Variants in NPAS3 observed in about 807,000 individuals in gnomAD.
NPAS3 encodes the protein neuronal PAS domain-containing protein 3.
Under a neutral mutation model 73.1 loss-of-function variants are expected in NPAS3, and 14 were observed. The ratio of observed to expected loss-of-function variants is 0.19; its 90% CI spans 0.13 to 0.30. The LOEUF is 0.30. NPAS3 is among the 10% of genes least tolerant of loss of function. NPAS3 has a pLI of 1.00. For synonymous variants in NPAS3, 620 were observed against 541.5 expected, an observed-to-expected ratio of 1.14 and a Z score of -2.01; for missense variants, 1,096 against 1,250.0, an observed-to-expected ratio of 0.88 and a Z score of 1.86.
intron 5 of NPAS3, among the ~76,000 whole-genome samples, chr14:33,578,570 A>G (rs2139862669): frequency 6.6e-6 from 1 of 152,350 alleles, no homozygotes; most frequent in South Asian, 2.1e-4. Context: ...AAAAAGAGCC[A>G]TCAAAGGCCT....
At chr14:33,110,777 C>T (rs951403520) in intron 2 of NPAS3, among the ~76,000 whole-genome samples, 1 of 152,122 alleles carries the variant, frequency 6.6e-6, no homozygotes, top group Non-Finnish European at 1.5e-5. Context: ...TAGGTTCAGT[C>T]CGGGGACGGG....
In NPAS3 at chr14:33,405,188, A is replaced by G. The variant is rs139891823; in HGVS notation, c.468+37920A>G. Among the ~76,000 whole-genome samples the G allele has an allele frequency of 4.1e-4, 63 of 151,976 alleles. 1 individual carries two copies. The highest frequency in any genetic ancestry group is 3.4e-3 in the Middle Eastern group (1 of 294). Reference sequence around the variant, plus strand: ...GCAGCTCTCTGTCTTAGTTATCTGGATGGTCTGGACTTGTGTTCCTTGTTG... The same window carrying G: ...GCAGCTCTCTGTCTTAGTTATCTGGGTGGTCTGGACTTGTGTTCCTTGTTG... On this transcript the variant is annotated intron_variant, in intron 4 of 11. Coordinates refer to ENST00000356141, the Ensembl canonical transcript of NPAS3.
At chr14:33,349,419 A>T (rs958587966) in intron 3 of NPAS3, among the ~76,000 whole-genome samples, 1 of 152,180 alleles carries the variant, frequency 6.6e-6, no homozygotes, top group Non-Finnish European at 1.5e-5. Context: ...GACCTGGTTG[A>T]CCGTATTTTA....
intron 2 of NPAS3, among the ~76,000 whole-genome samples, chr14:33,151,389 T>G (rs916472918): frequency 3.3e-5 from 5 of 152,214 alleles, no homozygotes; most frequent in Admixed American, 1.3e-4. Context: ...CAAAAGAACA[T>G]GTAGCCTCTC....
At chr14:33,344,484 A>T (rs1476208071) in intron 3 of NPAS3, among the ~76,000 whole-genome samples, 1 of 152,190 alleles carries the variant, frequency 6.6e-6, no homozygotes. Context: ...TGTAATCTCC[A>T]TGAAGGCAGG....
At chr14:33,500,375 G>A (rs2052452402) in intron 4 of NPAS3, among the ~76,000 whole-genome samples, 1 of 151,846 alleles carries the variant, frequency 6.6e-6, no homozygotes, top group Non-Finnish European at 1.5e-5. Flanking sequence ...ATGCTCCGAG[G>A]AAAAGATAAG....
intron 7 of NPAS3, among the ~76,000 whole-genome samples, chr14:33,750,404 G>A (rs751992116): frequency 6.6e-6 from 1 of 152,096 alleles, no homozygotes; most frequent in Non-Finnish European, 1.5e-5. Flanking sequence ...AAAGCTGAAC[G>A]AGGCATATGC....
chr14:33,515,590 C>T (rs1412498971), intron 4 of NPAS3, among the ~76,000 whole-genome samples: 1 of 152,082 alleles, frequency 6.6e-6, no homozygotes, highest in Non-Finnish European at 1.5e-5. Flanking sequence ...CTGGACAGAG[C>T]ATATCGCCCA....
chr14:33,735,290 T>C, exon 7 of NPAS3: 2 of 1,613,676 alleles, frequency 1.2e-6, no homozygotes, highest in Non-Finnish European at 1.7e-6. Context: ...TGAAATCTAC[T>C]CTGACCAAAC....
rs1365420219 is a variant in NPAS3, at chr14:33,165,911, C to CT, written c.141-49271_141-49270insT. The stretch of plus-strand genomic sequence containing the variant: ...CCACATTCTGTGAGTACTTTGTGTC[C>CT]CCCCATCCCCAAAGTGTGTTTAGCA... On this transcript the variant is annotated intron_variant, in intron 2 of 11. Coordinates refer to ENST00000356141, the Ensembl canonical transcript of NPAS3. Among the ~76,000 whole-genome samples, 4 of 152,002 alleles carry CT rather than the reference C, an allele frequency of 2.6e-5. No homozygotes were observed. In the East Asian group the frequency reaches 7.7e-4, roughly 29 times the overall value.
intron 5 of NPAS3, among the ~76,000 whole-genome samples, chr14:33,657,773 A>G (rs2059187839): frequency 6.9e-6 from 1 of 145,538 alleles, no homozygotes; most frequent in Non-Finnish European, 1.5e-5. Context: ...CACAGGCATT[A>G]ATTATGCAGA....
intron 2 of NPAS3, among the ~76,000 whole-genome samples, chr14:33,137,360 A>G (rs2139150132): frequency 6.6e-6 from 1 of 152,306 alleles, no homozygotes; most frequent in African/African-American, 2.4e-5. Flanking sequence ...TCAAGACAAA[A>G]CTGAATCATT....
rs193200694 is a variant in NPAS3 at position 33,751,649 on chromosome 14, T to C, written c.852+16317T>C. 4.0e-3 allele frequency among the ~76,000 whole-genome samples: 605 copies of C among 152,328 alleles called. 5 individuals carry two copies. Among genetic ancestry groups the C allele is most frequent in the African/African-American group, 0.014 (572 of 41,584 alleles). ...CATTTCAGGCGCCCACAGTTTCCCTTGAATATACCATTTAGTAAAACCCCT... is the reference window on the plus strand; with the variant it reads ...CATTTCAGGCGCCCACAGTTTCCCTCGAATATACCATTTAGTAAAACCCCT... On this transcript the variant is annotated intron_variant, in intron 7 of 11. Coordinates refer to ENST00000356141, the Ensembl canonical transcript of NPAS3.
chr14:33,190,452 T>G (rs2046129456), intron 2 of NPAS3, among the ~76,000 whole-genome samples: 2 of 152,258 alleles, frequency 1.3e-5, no homozygotes, highest in Admixed American at 1.3e-4. Context: ...GTTTTTGCCT[T>G]TATATTTCTC....
intron 2 of NPAS3, among the ~76,000 whole-genome samples, chr14:33,212,127 A>G (rs1029346404): frequency 2.0e-5 from 3 of 152,248 alleles, no homozygotes; most frequent in East Asian, 1.9e-4. Context: ...CCTACTTTAC[A>G]TAAGCGAGTG....
chr14:32,934,884 G>A (rs575779898), upstream of NPAS3: 44 of 811,046 alleles, frequency 5.4e-5, no homozygotes, highest in Admixed American at 6.8e-4. This position sits in a 1 kb window ranked among gnomAD's most constrained non-coding sequence, Gnocchi z 4.1. Flanking sequence ...TGCAGGTGAC[G>A]GCCGCGGCGG....
intron 5 of NPAS3, among the ~76,000 whole-genome samples, chr14:33,598,892 T>A (rs2139987432): frequency 6.6e-6 from 1 of 152,328 alleles, no homozygotes; most frequent in Admixed American, 6.5e-5. Context: ...AATATTTTCC[T>A]CCTGGCAGAC....
chr14:33,682,148 G>T (rs4246979), intron 6 of NPAS3, among the ~76,000 whole-genome samples: 152,352 of 152,352 alleles, frequency 1, 76,176 homozygotes, highest in Non-Finnish European at 1. Flanking sequence ...ACATTTAATT[G>T]CTTTCCATAT....
chr14:33,340,976 G>A (rs2044451067), intron 3 of NPAS3, among the ~76,000 whole-genome samples: 1 of 152,132 alleles, frequency 6.6e-6, no homozygotes, highest in South Asian at 2.1e-4. Context: ...CAAATATACA[G>A]ATGTTCCAAG....
Sources: gnomAD v4.1 joint callset for allele counts (sites outside exome capture counted in the v4.1 genomes callset) on GRCh38, gnomAD v4.1.1 for gene constraint, Gnocchi (gnomAD v3.1) non-coding constraint, MANE v1.5 for transcripts, NCBI Gene and HGNC (gene_info 2026-07-23, HGNC 2026-07-21) for gene names.